The following ANLN variants were observed in gnomAD, a reference collection of about 807,000 sequenced individuals.
The protein encoded by ANLN is anillin.
Under a neutral mutation model 135.1 loss-of-function variants are expected in ANLN, and 59 were observed. The ratio of observed to expected loss-of-function variants is 0.44; its 90% confidence interval spans 0.35 to 0.54. ANLN has a LOEUF of 0.54. Ranked by LOEUF, ANLN falls within the 20% of genes least tolerant of loss-of-function variation. The probability of loss-of-function intolerance (pLI) is 0.00; values close to 1 mark genes in which losing one functional copy is unlikely to be tolerated. For synonymous variants in ANLN, 406 were observed against 456.4 expected, an observed-to-expected ratio of 0.89 and a Z score of 1.41; for missense variants, 1,182 against 1,340.0, an observed-to-expected ratio of 0.88 and a Z score of 1.84.
Position 36,420,589 on chromosome 7 carries a change from T to A in ANLN, c.2016-8T>A. 1.2e-6 allele frequency: 2 copies of A among 1,607,774 alleles called. No homozygotes were observed. Among genetic ancestry groups the A allele is most frequent in the Non-Finnish European group, 1.7e-6 (2 of 1,174,404 alleles). ...GATTTCTAATAGAGTGTAACTTACC[T>A]CTTGAAGCATTGATGCATATAGATC... is the stretch of plus-strand genomic sequence containing the variant. On this transcript the variant is annotated splice_region_variant and splice_polypyrimidine_tract_variant and intron_variant, in intron 11 of 23. Transcript: ENST00000265748.
At chr7:36,396,208 A>G in intron 1 of ANLN, 58 bp from the exon 2 acceptor site, 1 of 1,454,094 alleles carries the variant, frequency 6.9e-7, no homozygotes, top group Admixed American at 2.2e-5. Flanking sequence ...AAGATACTGC[A>G]ATTTTATGAA....
intron 23 of ANLN, among the ~76,000 whole-genome samples, chr7:36,450,937 C>T (rs1318647616): frequency 6.6e-6 from 1 of 152,166 alleles, no homozygotes; most frequent in East Asian, 1.9e-4. Context: ...TAGACCTTCC[C>T]CTGTGATAAA....
intron 3 of ANLN, among the ~76,000 whole-genome samples, chr7:36,400,805 C>G (rs1786914602): frequency 6.6e-6 from 1 of 152,122 alleles, no homozygotes; most frequent in Admixed American, 6.5e-5. Flanking sequence ...ATCACATAGA[C>G]CATAGGATTA....
In ANLN at chr7:36,402,257, A is replaced by G. The variant is rs1345679718; in HGVS notation, c.487+2864A>G. On this transcript the variant is annotated intron_variant, in intron 3 of 23. Coordinates refer to ENST00000265748, the MANE Select transcript of ANLN (RefSeq NM_018685.5). ...CTCCTGAGTAGCAGGGATTACAGGC[A>G]CACGCCACCACACCCAGCTAATTTT... Among the ~76,000 whole-genome samples, 2 of 115,286 alleles carry G rather than the reference A, an allele frequency of 1.7e-5. 1 individual carries two copies. The highest frequency in any genetic ancestry group is 3.8e-5 in the Non-Finnish European group (2 of 53,194). The allele number at this position is 115,286 out of a possible 152,430, so 75.6% of individuals were successfully genotyped here. A position where few individuals can be genotyped will look rare whatever the true frequency, so the allele number is the denominator to read the frequency against.
intron 22 of ANLN, among the ~76,000 whole-genome samples, chr7:36,447,803 C>T (rs1789076605): frequency 6.6e-6 from 1 of 152,134 alleles, no homozygotes; most frequent in Non-Finnish European, 1.5e-5. Flanking sequence ...CAGTTTAAAA[C>T]TTACGAATAG....
chr7:36,443,261 C>T (rs1241856622), intron 21 of ANLN, among the ~76,000 whole-genome samples: 1 of 152,154 alleles, frequency 6.6e-6, no homozygotes, highest in Non-Finnish European at 1.5e-5. Flanking sequence ...TGGTTATTGA[C>T]CAAGGCTTAT....
chr7:36,390,139 G>A lies in ANLN; in HGVS notation c.18+95G>A, dbSNP rs965655807. 4.4e-6 allele frequency: 7 copies of A among 1,596,266 alleles called. No individual in the cohort carries two copies. The African/African-American group carries it at 9.4e-5, about 21-fold the overall frequency. ...ACCTCTGGGCGAACCCCCACCGGGCGGAGGGCGCGTGTGTGCGCGCGTGCG... is the reference window on the plus strand; with the variant it reads ...ACCTCTGGGCGAACCCCCACCGGGCAGAGGGCGCGTGTGTGCGCGCGTGCG... On this transcript the variant is annotated intron_variant, in intron 1 of 23. Coordinates refer to ENST00000265748, the MANE Select transcript of ANLN (RefSeq NM_018685.5).
At chr7:36,434,817 G>C (rs1308679314) in intron 20 of ANLN, among the ~76,000 whole-genome samples, 8 of 152,204 alleles carry the variant, frequency 5.3e-5, no homozygotes, top group Admixed American at 5.2e-4. Context: ...AGTGAGCCAA[G>C]ATTGTGCCAC....
intron 7 of ANLN, among the ~76,000 whole-genome samples, chr7:36,413,474 C>T (rs774000330): frequency 2.0e-5 from 3 of 152,328 alleles, no homozygotes; most frequent in South Asian, 2.1e-4. Flanking sequence ...GTATCATATT[C>T]TCATGGCTTT....
chr7:36,424,094 C>T (rs1372691371), intron 15 of ANLN, 151 bp downstream of exon 15: 2 of 828,284 alleles, frequency 2.4e-6, no homozygotes, highest in Non-Finnish European at 3.5e-6. Context: ...CAATTTGTTG[C>T]TTTAACTCAT....
At chr7:36,433,854 A>C (rs1350876641) in intron 20 of ANLN, among the ~76,000 whole-genome samples, 1 of 151,650 alleles carries the variant, frequency 6.6e-6, no homozygotes, top group African/African-American at 2.4e-5. Context: ...TTAGTTCTGA[A>C]ATTTTCATTT....
intron 22 of ANLN, among the ~76,000 whole-genome samples, chr7:36,446,452 G>A (rs1789001710): frequency 6.6e-6 from 1 of 152,154 alleles, no homozygotes; most frequent in East Asian, 1.9e-4. Flanking sequence ...TCTGCAGGCT[G>A]TACTGGAAGC....
intron 1 of ANLN, among the ~76,000 whole-genome samples, chr7:36,392,744 CTA>C (rs1786531545): frequency 6.6e-6 from 1 of 151,012 alleles, no homozygotes; most frequent in African/African-American, 2.4e-5. Flanking sequence ...TTTTGTGTAT[CTA>C]TTTAATTTTT....
chr7:36,421,899 C>A lies in ANLN; in HGVS notation c.2206C>A (p.Gln736Lys). The A allele has an allele frequency of 6.2e-7, 1 of 1,613,384 alleles. No individual in the cohort carries two copies. The highest frequency in any genetic ancestry group is 1.1e-5 in the South Asian group (1 of 90,970). Residue 736 changes from glutamine (Q) to lysine (K), a missense_variant, in exon 13 of 24, where the codon CAA becomes AAA. Physicochemically the swap from Gln to Lys is moderately conservative, Grantham distance 53. Coordinates refer to ENST00000265748, the MANE Select transcript of ANLN (RefSeq NM_018685.5). ...EINMQQTVIY[Q>K]ASQALNCCVD... is the part of the protein sequence containing the mutation. ...AAATATGCAACAGACAGTGATCTAT[C>A]AAGCTAGCCAGGCTCTTAACTGCTG...
intron 6 of ANLN, 40 bp from the exon 7 acceptor site, chr7:36,411,019 T>C: frequency 6.5e-7 from 1 of 1,527,710 alleles, no homozygotes; most frequent in Non-Finnish European, 8.8e-7. Context: ...TTAAACATGC[T>C]ACCGGCTCTT....
chr7:36,427,253 T>C (rs1213128497), intron 20 of ANLN, among the ~76,000 whole-genome samples: 2 of 151,940 alleles, frequency 1.3e-5, no homozygotes, highest in Non-Finnish European at 2.9e-5. Context: ...CAGTGGATGC[T>C]TGCTTATTCT....
intron 2 of ANLN, among the ~76,000 whole-genome samples, chr7:36,398,636 G>A (rs1250295743): frequency 6.6e-6 from 1 of 152,040 alleles, no homozygotes; most frequent in Non-Finnish European, 1.5e-5. Context: ...TTTTCCATAA[G>A]TTATTGGGGT....
chr7:36,447,984 T>C (rs1300645796), intron 22 of ANLN, among the ~76,000 whole-genome samples: 1 of 152,200 alleles, frequency 6.6e-6, no homozygotes, highest in Middle Eastern at 3.4e-3. Flanking sequence ...CATCACCTCA[T>C]GGAAATATAT....
chr7:36,416,810 G>A (rs945512368), intron 8 of ANLN, among the ~76,000 whole-genome samples: 11 of 151,910 alleles, frequency 7.2e-5, no homozygotes, highest in Non-Finnish European at 1.5e-4. Flanking sequence ...TTATTGGAAC[G>A]CTAAGCTTAT....
Sources: gnomAD v4.1 joint callset for allele counts (sites outside exome capture counted in the v4.1 genomes callset) on GRCh38, gnomAD v4.1.1 for gene constraint, MANE v1.5 for transcripts, NCBI Gene and HGNC (gene_info 2026-07-23, HGNC 2026-07-21) for gene names.